CNTNAP5: variants seen among roughly 807,000 people sequenced by gnomAD.
The protein encoded by CNTNAP5 is contactin-associated protein-like 5.
In CNTNAP5, 72 loss-of-function variants were observed where a neutral mutation model predicts 150.2. The ratio of observed to expected loss-of-function variants is 0.48; its 90% CI spans 0.40 to 0.58. The LOEUF is 0.58. Among genes scored for constraint, CNTNAP5 ranks in the 20% least tolerant of loss-of-function variants. The pLI, the probability that CNTNAP5 is intolerant of heterozygous loss-of-function variation, is 0.00. For missense variants in CNTNAP5, 1,636 were observed against 1,626.2 expected (o/e 1.01, Z -0.10); for synonymous variants, 672 against 619.8 (o/e 1.08, Z -1.25).
At chr2:124,658,501 A>C (rs562900725) in intron 13 of CNTNAP5, among the ~76,000 whole-genome samples, 1 of 152,116 alleles carries the variant, frequency 6.6e-6, no homozygotes, top group Non-Finnish European at 1.5e-5. Flanking sequence ...AAACCAAAAA[A>C]AAAAAAAAGA....
rs1685530323 is a variant in CNTNAP5, at chr2:124,194,391, AT to A, written c.83-27313del. ...CATATATATATATATATATATATATATATATATATATATATATATAAATATA... is the reference window on the plus strand; with the variant it reads ...CATATATATATATATATATATATATAATATATATATATATATATAAATATA... On this transcript the variant is annotated intron_variant, in intron 1 of 23. Coordinates refer to ENST00000682447, the MANE Select transcript of CNTNAP5 (RefSeq NM_001367498.1). Among the ~76,000 whole-genome samples the A allele has an allele frequency of 5.1e-4, 7 of 13,664 alleles. No homozygotes were observed. The East Asian group carries it at 9.3e-3, about 18-fold the overall frequency. 9.0% of individuals were successfully genotyped at this position (13,664 alleles called of 152,430 possible). A position where few individuals can be genotyped will look rare whatever the true frequency, so the allele number is the denominator to read the frequency against.
chr2:124,306,885 G>A (rs1200209761), intron 3 of CNTNAP5, among the ~76,000 whole-genome samples: 2 of 151,610 alleles, frequency 1.3e-5, no homozygotes, highest in Non-Finnish European at 2.9e-5. Context: ...CTGCCACCAC[G>A]CCTGGCTAAT....
At chr2:124,403,465 T>A (rs1195261141) in intron 3 of CNTNAP5, among the ~76,000 whole-genome samples, 1 of 152,212 alleles carries the variant, frequency 6.6e-6, no homozygotes, top group Non-Finnish European at 1.5e-5. Flanking sequence ...GTTTCTTTGT[T>A]CATTCATTCA....
At chr2:124,087,913 T>C (rs1682729973) in intron 1 of CNTNAP5, among the ~76,000 whole-genome samples, 1 of 152,200 alleles carries the variant, frequency 6.6e-6, no homozygotes, top group South Asian at 2.1e-4. Context: ...TTAATTATGA[T>C]GGGTCTTGCT....
chr2:124,626,222 C>A (rs1480795251), intron 12 of CNTNAP5, among the ~76,000 whole-genome samples: 1 of 152,032 alleles, frequency 6.6e-6, no homozygotes, highest in African/African-American at 2.4e-5. Context: ...AGACAGGTAT[C>A]CTGGGGTGTG....
intron 12 of CNTNAP5, among the ~76,000 whole-genome samples, chr2:124,646,879 G>A (rs2105026593): frequency 1.3e-5 from 2 of 152,202 alleles, no homozygotes; most frequent in Admixed American, 6.5e-5. Flanking sequence ...AGGCTGAGGT[G>A]GGAGAATTGC....
chr2:124,423,790 G>C (rs1345757924), intron 4 of CNTNAP5, among the ~76,000 whole-genome samples: 1 of 130,118 alleles, frequency 7.7e-6, no homozygotes, highest in Non-Finnish European at 1.6e-5. Flanking sequence ...TCAGCCTCCC[G>C]AGTAGCTGGG....
At chr2:124,407,101 G>C (rs112889034) in intron 3 of CNTNAP5, among the ~76,000 whole-genome samples, 78 of 152,232 alleles carry the variant, frequency 5.1e-4, no homozygotes, top group African/African-American at 1.7e-3. Flanking sequence ...TGATGGACAC[G>C]CATTGTTTCT....
intron 13 of CNTNAP5, among the ~76,000 whole-genome samples, chr2:124,664,325 G>GAAAAAAAAAAAA (rs34108388): frequency 1.9e-5 from 2 of 106,188 alleles, no homozygotes; most frequent in Admixed American, 1.1e-4. Context: ...CCTGTCTCAA[G>GAAAAAAAAAAAA]AAAAAAAAAA....
intron 3 of CNTNAP5, 121 bp downstream of exon 3, chr2:124,242,514 T>C: frequency 1.1e-6 from 1 of 913,126 alleles, no homozygotes; most frequent in Non-Finnish European, 1.6e-6. Flanking sequence ...GAGTGCCCAT[T>C]AGAAATAATT....
chr2:124,273,962 T>A (rs191840207), intron 3 of CNTNAP5, among the ~76,000 whole-genome samples: 78 of 152,274 alleles, frequency 5.1e-4, no homozygotes, highest in African/African-American at 1.8e-3. Flanking sequence ...TAGGCTGGCA[T>A]TGGCCTGGAG....
intron 3 of CNTNAP5, among the ~76,000 whole-genome samples, chr2:124,356,799 T>C (rs1484688115): frequency 2.0e-5 from 3 of 151,528 alleles, no homozygotes; most frequent in Non-Finnish European, 4.4e-5. Flanking sequence ...CAGCATGATT[T>C]ATAGTCCTTT....
In CNTNAP5 at chr2:124,826,326, T is replaced by A. The variant is rs930461530; in HGVS notation, c.3217+28006T>A. 2.6e-5 allele frequency among the ~76,000 whole-genome samples: 4 copies of A among 152,090 alleles called. No homozygotes were observed. In the East Asian group the frequency reaches 5.8e-4, roughly 22 times the overall value. ...TTTCACAGCCTTTCTTAGTGTCAGA[T>A]TGGGCCCATAGAGGTTCAAATTTTG... On this transcript the variant is annotated intron_variant, in intron 19 of 23. Transcript: ENST00000682447.
At chr2:124,099,349 T>C (rs1475927079) in intron 1 of CNTNAP5, among the ~76,000 whole-genome samples, 4 of 152,190 alleles carry the variant, frequency 2.6e-5, no homozygotes, top group Non-Finnish European at 5.9e-5. Context: ...TCTGTCTTCA[T>C]ATTTACTGAC....
intron 16 of CNTNAP5, 33 bp downstream of exon 16, chr2:124,764,180 T>A: frequency 1.9e-6 from 3 of 1,569,582 alleles, no homozygotes; most frequent in Non-Finnish European, 2.6e-6. Flanking sequence ...TTAATGTAAC[T>A]GATCAACAAA....
At chr2:124,744,770 G>A (rs750025132) in intron 13 of CNTNAP5, among the ~76,000 whole-genome samples, 8 of 152,020 alleles carry the variant, frequency 5.3e-5, no homozygotes, top group Non-Finnish European at 1.0e-4. Flanking sequence ...TTTTCTTCCT[G>A]ACTACATGGT....
intron 19 of CNTNAP5, among the ~76,000 whole-genome samples, chr2:124,817,004 C>T (rs561330230): frequency 1.1e-3 from 164 of 152,152 alleles, no homozygotes; most frequent in Middle Eastern, 3.4e-3. Context: ...AACATGAGGG[C>T]CACCCTAGGG....
intron 1 of CNTNAP5, among the ~76,000 whole-genome samples, chr2:124,077,149 T>A (rs1006052463): frequency 6.6e-6 from 1 of 152,130 alleles, no homozygotes; most frequent in Non-Finnish European, 1.5e-5. Context: ...AGATGATTGA[T>A]TGATTGAATG....
chr2:124,150,067 T>C (rs1684368431), intron 1 of CNTNAP5, among the ~76,000 whole-genome samples: 1 of 152,220 alleles, frequency 6.6e-6, no homozygotes, highest in South Asian at 2.1e-4. Flanking sequence ...CTTAATTCTG[T>C]ACTCTTTAAA....
Sources: gnomAD v4.1 joint callset for allele counts (sites outside exome capture counted in the v4.1 genomes callset) on GRCh38, gnomAD v4.1.1 for gene constraint, MANE v1.5 for transcripts, NCBI Gene and HGNC (gene_info 2026-07-23, HGNC 2026-07-21) for gene names.